The following C2CD5 variants were observed in gnomAD, a reference collection of about 807,000 sequenced individuals.
C2CD5 encodes C2 calcium dependent domain containing 5.
In C2CD5, 109 loss-of-function variants were observed where a neutral mutation model predicts 130.3. The ratio of observed to expected loss-of-function variants is 0.84; its 90% CI spans 0.72 to 0.98. The LOEUF (loss-of-function observed/expected upper bound fraction) is 0.98. C2CD5 is among the 50% of genes least tolerant of loss of function. C2CD5 has a pLI of 0.00. For missense variants in C2CD5, 996 were observed against 1,261.8 expected, an observed-to-expected ratio of 0.79 and a Z score of 3.19; for synonymous variants, 454 against 429.2, an observed-to-expected ratio of 1.06 and a Z score of -0.71.
rs1591831151 is a variant in C2CD5 at position 22,493,478 on chromosome 12, C to T, written c.1148-141G>A. 1.4e-5 allele frequency: 7 copies of T among 518,344 alleles called. No homozygotes were observed. In the East Asian group the frequency reaches 1.8e-4, roughly 14 times the overall value. The allele number at this position is 518,344 out of a possible 1,614,324, so 32.1% of individuals were successfully genotyped here. ...TTTTAAACTTCCCATCTTTAAAATG[C>T]TACTTCTCAAAAGGCATAAGATTTA... On this transcript the variant is annotated intron_variant, in intron 10 of 26. Coordinates refer to ENST00000446597, the MANE Select transcript of C2CD5 (RefSeq NM_001286176.2).
chr12:22,521,342 C>G (rs930614653), intron 7 of C2CD5, among the ~76,000 whole-genome samples: 3 of 152,110 alleles, frequency 2.0e-5, no homozygotes, highest in African/African-American at 4.8e-5. Context: ...GAGGCTACAA[C>G]AAGATTAGAA....
chr12:22,458,047 A>C (rs1278530222), intron 24 of C2CD5, among the ~76,000 whole-genome samples: 1 of 152,150 alleles, frequency 6.6e-6, no homozygotes, highest in Admixed American at 6.5e-5. Flanking sequence ...ATAAGTAATG[A>C]TTCTGATTCT....
intron 2 of C2CD5, among the ~76,000 whole-genome samples, chr12:22,538,968 A>G (rs1952081760): frequency 6.6e-6 from 1 of 151,672 alleles, no homozygotes; most frequent in Admixed American, 6.6e-5. Context: ...TCCTGCATTA[A>G]TTTTTCCCCT....
chr12:22,472,841 G>A (rs368169949), intron 16 of C2CD5, 34 bp from the exon 17 acceptor site: 2 of 1,087,084 alleles, frequency 1.8e-6, no homozygotes, highest in African/African-American at 1.6e-5. Flanking sequence ...TTTATAAGTA[G>A]TAAATGCATA....
intron 11 of C2CD5, among the ~76,000 whole-genome samples, chr12:22,492,421 T>G (rs1021792584): frequency 6.6e-6 from 1 of 152,184 alleles, no homozygotes; most frequent in Non-Finnish European, 1.5e-5. Context: ...AGTTGTGATC[T>G]GAGAGTAAAA....
intron 25 of C2CD5, among the ~76,000 whole-genome samples, chr12:22,455,349 C>T (rs944661029): frequency 3.9e-5 from 6 of 152,090 alleles, no homozygotes; most frequent in African/African-American, 1.2e-4. Context: ...GCAATTAACA[C>T]ATTTGGGATA....
intron 10 of C2CD5, among the ~76,000 whole-genome samples, chr12:22,497,907 TACACACACACACACACAC>T (rs3063916): frequency 0.04 from 5,859 of 145,708 alleles, 381 homozygotes; most frequent in African/African-American, 0.14. Flanking sequence ...TGCACACACA[TACACACACACACACACAC>T]ACACACACAC....
chr12:22,472,184 T>C, intron 18 of C2CD5, 102 bp downstream of exon 18: 1 of 869,108 alleles, frequency 1.2e-6, no homozygotes, highest in Non-Finnish European at 1.8e-6. Flanking sequence ...GATGGTATTT[T>C]AATTGCAATA....
intron 4 of C2CD5, 21 bp downstream of exon 4, chr12:22,527,696 ATAAT>A: frequency 1.6e-6 from 2 of 1,271,664 alleles, no homozygotes; most frequent in Non-Finnish European, 2.2e-6. Flanking sequence ...ATTGTTATTT[ATAAT>A]ACTTTCTTAT....
intron 22 of C2CD5, among the ~76,000 whole-genome samples, chr12:22,468,168 T>C (rs1942420187): frequency 6.6e-6 from 1 of 151,682 alleles, no homozygotes; most frequent in Non-Finnish European, 1.5e-5. Context: ...CAAATTTCTG[T>C]ATAAAGTAGA....
intron 15 of C2CD5, among the ~76,000 whole-genome samples, chr12:22,477,508 C>G (rs1393599001): frequency 6.6e-6 from 1 of 151,952 alleles, no homozygotes; most frequent in Non-Finnish European, 1.5e-5. Flanking sequence ...GTTATACTTT[C>G]TTTTTTTATT....
At chr12:22,450,674 A>G (rs1417365084) in intron 26 of C2CD5, among the ~76,000 whole-genome samples, 1 of 152,136 alleles carries the variant, frequency 6.6e-6, no homozygotes, top group Non-Finnish European at 1.5e-5. Flanking sequence ...TTACAAAGGT[A>G]CTACTTTGAC....
rs1425008527 is a variant in C2CD5, at chr12:22,476,313, A to G, written c.1903-1422T>C. Among the ~76,000 whole-genome samples, 8 of 152,048 alleles carry G rather than the reference A, an allele frequency of 5.3e-5. No homozygotes were observed. The East Asian group carries it at 1.5e-3, about 29-fold the overall frequency. On this transcript the variant is annotated intron_variant, in intron 15 of 26. Coordinates refer to ENST00000446597, the MANE Select transcript of C2CD5 (RefSeq NM_001286176.2). The stretch of plus-strand genomic sequence containing the variant: ...CTGTAATGTGTATAGTGGCCTGGTA[A>G]TCAACCTTGTACACTGACTCTGTCA...
chr12:22,464,859 G>T (rs1375446624), intron 22 of C2CD5, among the ~76,000 whole-genome samples: 1 of 152,062 alleles, frequency 6.6e-6, no homozygotes, highest in Non-Finnish European at 1.5e-5. Flanking sequence ...CCGTTAGTTG[G>T]CAGGAAAAGT....
chr12:22,490,498 G>A (rs532206895), intron 11 of C2CD5, among the ~76,000 whole-genome samples: 2 of 151,690 alleles, frequency 1.3e-5, no homozygotes, highest in Non-Finnish European at 2.9e-5. Flanking sequence ...TGGCAAGGCT[G>A]AAAGAATGAA....
At chr12:22,543,859 T>C (rs1394793325) in intron 2 of C2CD5, among the ~76,000 whole-genome samples, 1 of 152,116 alleles carries the variant, frequency 6.6e-6, no homozygotes, top group East Asian at 1.9e-4. Flanking sequence ...CGCAGCGGAC[T>C]GTGCCGCGGA....
At chr12:22,516,560 T>TA (rs5796963) in intron 8 of C2CD5, among the ~76,000 whole-genome samples, 7,854 of 144,414 alleles carry the variant, frequency 0.054, 687 homozygotes, top group African/African-American at 0.19. Context: ...TTTGGTAAAT[T>TA]AAAAAAAAAA....
intron 12 of C2CD5, among the ~76,000 whole-genome samples, chr12:22,486,463 T>C (rs1027691970): frequency 7.2e-5 from 11 of 152,176 alleles, no homozygotes. Flanking sequence ...TTAAACCAAC[T>C]TCTTATAAGC....
At chr12:22,506,955 T>C in intron 9 of C2CD5, 136 bp from the exon 10 acceptor site, 1 of 590,078 alleles carries the variant, frequency 1.7e-6, no homozygotes, top group Non-Finnish European at 3.1e-6. Context: ...CACACATGCT[T>C]TGTAATTAAA....
Sources: gnomAD v4.1 joint callset for allele counts (sites outside exome capture counted in the v4.1 genomes callset) on GRCh38, gnomAD v4.1.1 for gene constraint, MANE v1.5 for transcripts, NCBI Gene and HGNC (gene_info 2026-07-23, HGNC 2026-07-21) for gene names.